The following CTNNA2 variants were observed in gnomAD, a reference collection of about 807,000 sequenced individuals.
CTNNA2 encodes the protein catenin alpha 2.
CTNNA2 carries 42 observed loss-of-function variants against 101.0 expected under a neutral mutation model. That is an observed-to-expected ratio of 0.42 (90% confidence interval 0.32 to 0.54). The LOEUF (loss-of-function observed/expected upper bound fraction) is 0.54. Ranked by LOEUF, CTNNA2 falls within the 20% of genes least tolerant of loss-of-function variation. The pLI, the probability that CTNNA2 is intolerant of heterozygous loss-of-function variation, is 0.14. For missense variants in CTNNA2, 871 were observed against 1,223.1 expected, an observed-to-expected ratio of 0.71 and a Z score of 4.29; for synonymous variants, 450 against 456.4, an observed-to-expected ratio of 0.99 and a Z score of 0.18.
At chr2:79,264,283 A>C (rs946300568) in intron 2 of CTNNA2, among the ~76,000 whole-genome samples, 1 of 152,186 alleles carries the variant, frequency 6.6e-6, no homozygotes, top group South Asian at 2.1e-4. Flanking sequence ...TCTTTCTTTC[A>C]TACCACTGGT....
At chr2:80,145,834 G>A (rs978753029) in intron 7 of CTNNA2, among the ~76,000 whole-genome samples, 5 of 152,162 alleles carry the variant, frequency 3.3e-5, no homozygotes, top group African/African-American at 9.7e-5. Context: ...TCCATTTGCC[G>A]CACACACACT....
chr2:79,507,763 A>G lies in CTNNA2; in HGVS notation c.-6+2581A>G, dbSNP rs77913585. Among the ~76,000 whole-genome samples the G allele has an allele frequency of 5.7e-3, 874 of 152,280 alleles. 11 individuals carry two copies. The highest frequency in any genetic ancestry group is 0.02 in the African/African-American group (843 of 41,558). ...TGTTTCCCAAAGCATGTTCCTTTGA[A>G]TCTAGCCACGAGATATATTTTGTGA... On this transcript the variant is annotated intron_variant, in intron 5 of 21. Transcript: ENST00000466387.
intron 9 of CTNNA2, among the ~76,000 whole-genome samples, chr2:80,536,372 T>C (rs1405618329): frequency 6.6e-6 from 1 of 152,196 alleles, no homozygotes; most frequent in Non-Finnish European, 1.5e-5. Context: ...TAAATTCATT[T>C]TATTCTCAAA....
At chr2:80,081,909 AT>A (rs1699178049) in intron 7 of CTNNA2, among the ~76,000 whole-genome samples, 1 of 152,196 alleles carries the variant, frequency 6.6e-6, no homozygotes, top group Admixed American at 6.5e-5. Context: ...AAGATTGATT[AT>A]TCTAGATTTT....
At chr2:80,087,715 T>C (rs1699538378) in intron 7 of CTNNA2, among the ~76,000 whole-genome samples, 1 of 152,042 alleles carries the variant, frequency 6.6e-6, no homozygotes, top group Admixed American at 6.5e-5. Context: ...ATTCAGTACG[T>C]CTGGGCTGGG....
intron 1 of CTNNA2, among the ~76,000 whole-genome samples, chr2:79,533,353 T>C (rs1489141639): frequency 6.6e-6 from 1 of 152,160 alleles, no homozygotes; most frequent in Non-Finnish European, 1.5e-5. Flanking sequence ...GGTCAGTAAA[T>C]ACAGGTATTC....
At chr2:79,303,794 C>T (rs952333010) in intron 2 of CTNNA2, among the ~76,000 whole-genome samples, 1 of 151,674 alleles carries the variant, frequency 6.6e-6, no homozygotes, top group African/African-American at 2.4e-5. Flanking sequence ...TTCACAGGAC[C>T]AATGGGAAGT....
At chr2:80,126,758 AG>A (rs1302464695) in intron 7 of CTNNA2, among the ~76,000 whole-genome samples, 2 of 151,046 alleles carry the variant, frequency 1.3e-5, no homozygotes, top group African/African-American at 4.9e-5. Flanking sequence ...CGTTTCCCTC[AG>A]GGCTTGATTA....
chr2:80,385,727 C>T lies in CTNNA2; in HGVS notation c.1057-7484C>T, dbSNP rs947370397. Among the ~76,000 whole-genome samples the T allele has an allele frequency of 9.2e-5, 14 of 152,130 alleles. 1 individual carries two copies. In the East Asian group the frequency reaches 2.5e-3, roughly 27 times the overall value. On this transcript the variant is annotated intron_variant, in intron 7 of 18. Coordinates refer to ENST00000402739, the MANE Select transcript of CTNNA2 (RefSeq NM_001282597.3). ...TCCCTCCTGTCTCTCTGTCTTTCTC[C>T]GTCTTCCTCTGCCTCTCCTTCTTTC...
At chr2:80,146,347 C>T (rs546511480) in intron 7 of CTNNA2, among the ~76,000 whole-genome samples, 3 of 152,266 alleles carry the variant, frequency 2.0e-5, no homozygotes, top group African/African-American at 7.2e-5. Context: ...GATTGTTACT[C>T]ATCAATCGAT....
intron 6 of CTNNA2, among the ~76,000 whole-genome samples, chr2:79,877,753 T>C (rs548227783): frequency 3.3e-5 from 5 of 152,332 alleles, no homozygotes; most frequent in African/African-American, 1.2e-4. Context: ...TAAATAAGTT[T>C]AACGTCTTTG....
intron 1 of CTNNA2, among the ~76,000 whole-genome samples, chr2:79,621,411 G>A (rs1035749179): frequency 6.6e-6 from 1 of 152,100 alleles, no homozygotes; most frequent in African/African-American, 2.4e-5. Flanking sequence ...CTGCCATAAA[G>A]TAAGGATATA....
intron 4 of CTNNA2, among the ~76,000 whole-genome samples, chr2:79,387,116 TTCTG>T (rs2104468604): frequency 6.6e-6 from 1 of 152,304 alleles, no homozygotes; most frequent in Admixed American, 6.5e-5. Context: ...AGGCTGACCT[TTCTG>T]TCTAATTTCC....
At chr2:79,858,665 T>G (rs112084580) in intron 4 of CTNNA2, among the ~76,000 whole-genome samples, 2 of 152,270 alleles carry the variant, frequency 1.3e-5, no homozygotes, top group African/African-American at 4.8e-5. Context: ...TTTTGAATCA[T>G]ATATTGGCAA....
intron 2 of CTNNA2, among the ~76,000 whole-genome samples, chr2:79,266,344 G>A (rs576524209): frequency 1.3e-5 from 2 of 152,256 alleles, no homozygotes; most frequent in South Asian, 2.1e-4. Flanking sequence ...ATCACTTTGA[G>A]GGACATTTCT....
Position 79,280,623 on chromosome 2 carries a change from CTG to C in CTNNA2, c.-405-32054_-405-32053del, listed in dbSNP as rs369268407. 8.8e-3 allele frequency among the ~76,000 whole-genome samples: 1,130 copies of C among 128,926 alleles called. 15 individuals carry two copies. The highest frequency in any genetic ancestry group is 0.022 in the Middle Eastern group (5 of 226). 84.6% of individuals were successfully genotyped at this position (128,926 alleles called of 152,430 possible). On this transcript the variant is annotated intron_variant, in intron 2 of 21. Transcript: ENST00000466387. ...AGTTGCCCAGCATTCATCCTGTATG[CTG>C]TGTGTGTGTGTGTGTGTGTGTGTGT...
At chr2:80,319,330 T>C (rs1216632282) in intron 7 of CTNNA2, among the ~76,000 whole-genome samples, 1 of 152,210 alleles carries the variant, frequency 6.6e-6, no homozygotes, top group Non-Finnish European at 1.5e-5. Context: ...GTTGTTGTTT[T>C]TATTTCAAAC....
chr2:80,303,925 A>C lies in CTNNA2; in HGVS notation c.1057-89286A>C. ...GGGAGGGGAAGCGGGGGAGGGGGAG[A>C]AAAGGGCAAAAAATCAAATAAATAC... On this transcript the variant is annotated intron_variant, in intron 7 of 18. Transcript: ENST00000402739. This position sits in a 1 kb window ranked among gnomAD's most constrained non-coding sequence, Gnocchi z 7.7. 7.6e-7 allele frequency: 1 copy of C among 1,322,526 alleles called. No individual in the cohort carries two copies. Among genetic ancestry groups the C allele is most frequent in the Non-Finnish European group, 1.0e-6 (1 of 1,001,612 alleles). 81.9% of individuals were successfully genotyped at this position (1,322,526 alleles called of 1,614,324 possible). A position where few individuals can be genotyped will look rare whatever the true frequency, so the allele number is the denominator to read the frequency against.
intron 7 of CTNNA2, among the ~76,000 whole-genome samples, chr2:80,286,471 AT>A (rs1272345733): frequency 6.6e-6 from 1 of 152,204 alleles, no homozygotes; most frequent in Non-Finnish European, 1.5e-5. Flanking sequence ...ATGGAATAAA[AT>A]TAGATTCTGG....
Sources: gnomAD v4.1 joint callset for allele counts (sites outside exome capture counted in the v4.1 genomes callset) on GRCh38, gnomAD v4.1.1 for gene constraint, Gnocchi (gnomAD v3.1) non-coding constraint, MANE v1.5 for transcripts, NCBI Gene and HGNC (gene_info 2026-07-23, HGNC 2026-07-21) for gene names.